Variants in RGS20 observed in about 807,000 individuals in gnomAD.
The protein encoded by RGS20 is gz-selective GTPase-activating protein.
Under a neutral mutation model 33.6 loss-of-function variants are expected in RGS20, and 30 were observed. The observed-to-expected ratio is 0.89, with a 90% CI of 0.67 to 1.21. The LOEUF (loss-of-function observed/expected upper bound fraction) is 1.21, where lower values mean the gene tolerates loss of function less well. Among genes scored for constraint, RGS20 ranks in the 50% most tolerant of loss-of-function variants. RGS20 has a pLI of 0.00. For missense variants in RGS20, 472 were observed against 502.4 expected, an observed-to-expected ratio of 0.94 and a Z score of 0.58; for synonymous variants, 208 against 197.9, an observed-to-expected ratio of 1.05 and a Z score of -0.43.
chr8:53,866,227 T>C (rs1811915040), intron 1 of RGS20, among the ~76,000 whole-genome samples: 1 of 152,108 alleles, frequency 6.6e-6, no homozygotes, highest in Non-Finnish European at 1.5e-5. Flanking sequence ...GTGCTTTGAG[T>C]ACCAAGGAAT....
At chr8:53,862,661 A>G (rs1288193536) in intron 1 of RGS20, among the ~76,000 whole-genome samples, 1 of 152,174 alleles carries the variant, frequency 6.6e-6, no homozygotes, top group African/African-American at 2.4e-5. Context: ...TAGCTGGGTG[A>G]GTGGCACATG....
intron 1 of RGS20, among the ~76,000 whole-genome samples, chr8:53,861,952 G>T (rs1274016640): frequency 1.3e-5 from 2 of 152,136 alleles, no homozygotes; most frequent in South Asian, 2.1e-4. Context: ...GTTGGCCCGT[G>T]GGGAGTCCAA....
At position 53,872,670 on chromosome 8, in the gene RGS20, A is replaced by G. The variant is rs574935949; in HGVS notation, c.166-6588A>G. ...CATCAAATGCTAGGAGCAGAATGAG[A>G]CTAGGCAATGTCTCTCTTACAAGCA... is the stretch of plus-strand genomic sequence containing the variant. On this transcript the variant is annotated intron_variant, in intron 1 of 5. Coordinates refer to ENST00000297313, the MANE Select transcript of RGS20 (RefSeq NM_170587.4). Among the ~76,000 whole-genome samples the G allele has an allele frequency of 2.5e-4, 38 of 152,254 alleles. 1 individual carries two copies. The highest frequency in any genetic ancestry group is 7.9e-4 in the African/African-American group (33 of 41,540).
intron 1 of RGS20, among the ~76,000 whole-genome samples, chr8:53,865,210 C>A (rs1772368500): frequency 6.6e-6 from 1 of 152,214 alleles, no homozygotes; most frequent in Admixed American, 6.5e-5. Context: ...TTTCAGGCTC[C>A]ATCAGTGTGA....
At chr8:53,883,435 A>T (rs550055345) in intron 2 of RGS20, among the ~76,000 whole-genome samples, 16 of 152,038 alleles carry the variant, frequency 1.1e-4, no homozygotes. Context: ...AAGTTCTGGG[A>T]TTACAGGAGT....
intron 4 of RGS20, 121 bp from the exon 4 acceptor site, chr8:53,953,955 A>C (rs1159247097): frequency 1.3e-6 from 1 of 749,934 alleles, no homozygotes. Flanking sequence ...CCTTCCTAAA[A>C]GGGCCTAAAT....
chr8:53,904,244 T>C (rs1355444691), intron 2 of RGS20, among the ~76,000 whole-genome samples: 1 of 150,914 alleles, frequency 6.6e-6, no homozygotes, highest in Non-Finnish European at 1.5e-5. Flanking sequence ...TGCCTCACCC[T>C]CCCAAGTAGC....
chr8:53,866,539 G>A (rs987830837), intron 1 of RGS20, among the ~76,000 whole-genome samples: 6 of 152,060 alleles, frequency 3.9e-5, no homozygotes, highest in Middle Eastern at 3.4e-3. Flanking sequence ...ACCATCACAC[G>A]CCTGGCTAAT....
At chr8:53,927,384 G>C (rs1813832674) in intron 2 of RGS20, among the ~76,000 whole-genome samples, 1 of 151,676 alleles carries the variant, frequency 6.6e-6, no homozygotes, top group African/African-American at 2.4e-5. Flanking sequence ...TCATATTTTT[G>C]TGTAGAGATG....
At chr8:53,886,212 G>A (rs1812543836) in intron 2 of RGS20, among the ~76,000 whole-genome samples, 2 of 152,162 alleles carry the variant, frequency 1.3e-5, no homozygotes, top group South Asian at 2.1e-4. Context: ...GTTACTTTGC[G>A]CAGCTAGCTC....
intron 2 of RGS20, among the ~76,000 whole-genome samples, chr8:53,932,354 C>A (rs1369753304): frequency 3.9e-5 from 6 of 152,156 alleles, no homozygotes; most frequent in African/African-American, 1.4e-4. Context: ...CCCCACGGAA[C>A]CCAGCAAGCT....
At chr8:53,948,016 GTATA>G (rs1180701693) in intron 4 of RGS20, among the ~76,000 whole-genome samples, 1 of 131,616 alleles carries the variant, frequency 7.6e-6, no homozygotes, top group Non-Finnish European at 1.5e-5. Context: ...ATATATGATA[GTATA>G]TATACTATAT....
intron 2 of RGS20, among the ~76,000 whole-genome samples, chr8:53,900,857 G>A (rs948959455): frequency 2.6e-5 from 4 of 152,128 alleles, no homozygotes; most frequent in Admixed American, 6.5e-5. Context: ...ACCAGCTGTG[G>A]GCCAGAAGGT....
chr8:53,882,643 CAA>C (rs34390232), intron 2 of RGS20, among the ~76,000 whole-genome samples: 15 of 103,384 alleles, frequency 1.5e-4, no homozygotes, highest in Admixed American at 3.1e-4. Context: ...GACTCCGTCT[CAA>C]AAAAAAAAAA....
intron 1 of RGS20, chr8:53,852,199 C>A: frequency 2.4e-6 from 2 of 822,538 alleles, no homozygotes; most frequent in Non-Finnish European, 3.5e-6. Context: ...GTTTTCAAAC[C>A]ATCCCCAAGG....
chr8:53,874,190 AAAAG>A (rs1023604348), intron 1 of RGS20, among the ~76,000 whole-genome samples: 39 of 152,290 alleles, frequency 2.6e-4, no homozygotes, highest in African/African-American at 7.9e-4. Context: ...GAAAAAAGAA[AAAAG>A]AAAGAAAGTC....
intron 2 of RGS20, among the ~76,000 whole-genome samples, chr8:53,906,024 G>A (rs7843344): frequency 0.017 from 2,613 of 152,202 alleles, 65 homozygotes; most frequent in African/African-American, 0.059. Context: ...AGGCATGCAT[G>A]GGGCTGAGAG....
chr8:53,853,999 G>A (rs974481378), intron 1 of RGS20, among the ~76,000 whole-genome samples: 3 of 152,156 alleles, frequency 2.0e-5, no homozygotes, highest in African/African-American at 7.2e-5. Flanking sequence ...GAGCTAAAAT[G>A]TATCTAGACG....
At chr8:53,884,699 AC>A (rs1257181594) in intron 2 of RGS20, among the ~76,000 whole-genome samples, 2 of 152,230 alleles carry the variant, frequency 1.3e-5, no homozygotes, top group African/African-American at 4.8e-5. Flanking sequence ...TTTCCTGTTT[AC>A]TACGGATTAA....
Sources: allele counts gnomAD v4.1 joint callset (sites outside exome capture counted in the v4.1 genomes callset), GRCh38; gene constraint gnomAD v4.1.1; transcripts MANE v1.5; gene names NCBI Gene and HGNC (gene_info 2026-07-23, HGNC 2026-07-21).